LUZP2: variants seen among roughly 807,000 people sequenced by gnomAD.
LUZP2 encodes the protein leucine zipper protein 2.
A neutral mutation model predicts 51.6 loss-of-function variants in LUZP2; 52 were observed. That is an observed-to-expected ratio of 1.01 (90% CI 0.81 to 1.27). The LOEUF (loss-of-function observed/expected upper bound fraction) is 1.27, where lower values mean the gene tolerates loss of function less well. LUZP2 is among the 50% of genes most tolerant of loss of function. LUZP2 has a pLI of 0.00. For missense variants in LUZP2, 436 were observed against 395.4 expected (o/e 1.10, Z -0.87); for synonymous variants, 154 against 137.3 (o/e 1.12, Z -0.85).
chr11:24,814,166 T>C (rs1481085099), intron 5 of LUZP2, among the ~76,000 whole-genome samples: 2 of 152,230 alleles, frequency 1.3e-5, no homozygotes, highest in Non-Finnish European at 2.9e-5. Flanking sequence ...TCAGGCGAAT[T>C]AATAACTTCC....
intron 7 of LUZP2, among the ~76,000 whole-genome samples, chr11:24,964,143 C>T (rs1179554260): frequency 6.6e-6 from 1 of 152,110 alleles, no homozygotes; most frequent in Non-Finnish European, 1.5e-5. Context: ...CCAGGATTCC[C>T]TTTTCACCAC....
intron 1 of LUZP2, among the ~76,000 whole-genome samples, chr11:24,613,466 A>T (rs7109475): frequency 0.031 from 4,667 of 152,198 alleles, 106 homozygotes; most frequent in South Asian, 0.11. Flanking sequence ...TATGTAGTTA[A>T]ATTTTAAAAG....
At chr11:24,569,111 A>T (rs1326134931) in intron 1 of LUZP2, among the ~76,000 whole-genome samples, 1 of 152,124 alleles carries the variant, frequency 6.6e-6, no homozygotes, top group Admixed American at 6.6e-5. Context: ...ATGTCATATT[A>T]AAAGACCTTT....
At chr11:25,048,141 T>G (rs993506380) in intron 9 of LUZP2, among the ~76,000 whole-genome samples, 1 of 152,158 alleles carries the variant, frequency 6.6e-6, no homozygotes, top group South Asian at 2.1e-4. Flanking sequence ...AGTATAAAAT[T>G]TGTAGCTCAA....
At chr11:24,788,302 G>T (rs1466623939) in intron 5 of LUZP2, among the ~76,000 whole-genome samples, 2 of 144,852 alleles carry the variant, frequency 1.4e-5, no homozygotes, top group East Asian at 2.1e-4. Flanking sequence ...TGACTCTCCT[G>T]CCTCAGCCTC....
chr11:25,048,541 A>G (rs565630248), intron 9 of LUZP2, among the ~76,000 whole-genome samples: 1 of 152,306 alleles, frequency 6.6e-6, no homozygotes, highest in Admixed American at 6.5e-5. Flanking sequence ...CTAAAACAGA[A>G]CACTGGCTTG....
chr11:24,534,140 C>T (rs558980356), intron 1 of LUZP2, among the ~76,000 whole-genome samples: 1 of 151,020 alleles, frequency 6.6e-6, no homozygotes, highest in African/African-American at 2.4e-5. Context: ...TAATGCCAGG[C>T]GAGTGTTGGA....
chr11:24,871,557 T>C (rs1443391272), intron 5 of LUZP2, among the ~76,000 whole-genome samples: 2 of 152,112 alleles, frequency 1.3e-5, no homozygotes, highest in Non-Finnish European at 2.9e-5. Flanking sequence ...AGTTCTAGTA[T>C]AAGTTATGCA....
At chr11:24,681,148 AT>A (rs575462026) in intron 1 of LUZP2, among the ~76,000 whole-genome samples, 1 of 151,622 alleles carries the variant, frequency 6.6e-6, no homozygotes, top group Non-Finnish European at 1.5e-5. Context: ...CGCCCAGCTA[AT>A]TTTTTGTATT....
chr11:24,996,368 T>A (rs1224583063), intron 9 of LUZP2, among the ~76,000 whole-genome samples: 3 of 151,510 alleles, frequency 2.0e-5, no homozygotes, highest in Non-Finnish European at 4.4e-5. Context: ...TCAAGGCATG[T>A]TTTTAAATTT....
intron 1 of LUZP2, among the ~76,000 whole-genome samples, chr11:24,573,116 G>T (rs202228166): frequency 6.6e-6 from 1 of 151,096 alleles, no homozygotes; most frequent in Non-Finnish European, 1.5e-5. Context: ...AAGAGAAATT[G>T]TTTTTTCAAG....
chr11:24,640,276 G>T (rs1855235447), intron 1 of LUZP2, among the ~76,000 whole-genome samples: 1 of 151,798 alleles, frequency 6.6e-6, no homozygotes, highest in Non-Finnish European at 1.5e-5. Flanking sequence ...GAAAGTTAAG[G>T]GCATCTTGGT....
intron 1 of LUZP2, among the ~76,000 whole-genome samples, chr11:24,657,514 G>A (rs192554245): frequency 1.2e-4 from 19 of 152,236 alleles, no homozygotes; most frequent in African/African-American, 4.3e-4. Flanking sequence ...TTGAAAACTG[G>A]CACAAGACAG....
chr11:24,596,224 C>T (rs983496726), intron 1 of LUZP2, among the ~76,000 whole-genome samples: 11 of 152,184 alleles, frequency 7.2e-5, no homozygotes, highest in Non-Finnish European at 1.3e-4. Flanking sequence ...TTGCACTTTA[C>T]TTTTCCTCTC....
chr11:25,044,038 A>ATATATATCTGATATATATAGAGTC (rs1858176929), intron 9 of LUZP2, among the ~76,000 whole-genome samples: 1 of 11,338 alleles, frequency 8.8e-5, no homozygotes, highest in African/African-American at 1.6e-4. Flanking sequence ...TATAGAGTCT[A>ATATATATCTGATATATATAGAGTC]TATATATATC....
chr11:24,777,467 T>C (rs1229348893), intron 5 of LUZP2, among the ~76,000 whole-genome samples: 1 of 152,148 alleles, frequency 6.6e-6, no homozygotes, highest in Non-Finnish European at 1.5e-5. Context: ...TCAAATAATA[T>C]ACTTAAGACT....
chr11:25,078,077 G>A (rs1859367274), intron 11 of LUZP2, among the ~76,000 whole-genome samples: 1 of 152,146 alleles, frequency 6.6e-6, no homozygotes, highest in Non-Finnish European at 1.5e-5. Context: ...AGACTAAAGA[G>A]GATTTGAGGA....
intron 1 of LUZP2, among the ~76,000 whole-genome samples, chr11:24,585,280 T>C (rs905011279): frequency 6.6e-6 from 1 of 152,128 alleles, no homozygotes; most frequent in African/African-American, 2.4e-5. Flanking sequence ...CTCACTATTG[T>C]TTTTAATGAA....
intron 9 of LUZP2, among the ~76,000 whole-genome samples, chr11:25,047,265 A>G (rs918219371): frequency 6.6e-6 from 1 of 152,012 alleles, no homozygotes; most frequent in Admixed American, 6.5e-5. Flanking sequence ...CAGGTGGTGG[A>G]TGTTCAGTAG....
Sources: allele counts gnomAD v4.1 joint callset (sites outside exome capture counted in the v4.1 genomes callset), GRCh38; gene constraint gnomAD v4.1.1; transcripts MANE v1.5; gene names NCBI Gene and HGNC (gene_info 2026-07-23, HGNC 2026-07-21).